The following TMEM117 variants were observed in gnomAD, a reference collection of about 807,000 sequenced individuals.
TMEM117 encodes transmembrane protein 117.
TMEM117 carries 27 observed loss-of-function variants against 52.4 expected under a neutral mutation model. That is an observed-to-expected ratio of 0.51 (90% CI 0.38 to 0.71). The LOEUF is 0.71. Ranked by LOEUF, TMEM117 falls within the 30% of genes least tolerant of loss-of-function variation. The pLI, the probability that TMEM117 is intolerant of heterozygous loss-of-function variation, is 0.00. For missense variants in TMEM117, 556 were observed against 630.5 expected (o/e 0.88, Z 1.26); for synonymous variants, 215 against 206.3 (o/e 1.04, Z -0.36).
At chr12:44,092,620 C>T (rs560292614) in intron 3 of TMEM117, among the ~76,000 whole-genome samples, 18 of 152,252 alleles carry the variant, frequency 1.2e-4, no homozygotes, top group African/African-American at 3.9e-4. Flanking sequence ...TTGAAGCTAA[C>T]TCATGGGAAT....
chr12:44,062,893 T>C (rs942916762), intron 3 of TMEM117, among the ~76,000 whole-genome samples: 2 of 152,230 alleles, frequency 1.3e-5, no homozygotes, highest in Non-Finnish European at 1.5e-5. Flanking sequence ...GTGGCCATAA[T>C]GGTGGGTTAG....
At chr12:44,162,620 T>C (rs79863164) in intron 4 of TMEM117, among the ~76,000 whole-genome samples, 1,750 of 152,262 alleles carry the variant, frequency 0.011, 22 homozygotes, top group South Asian at 0.052. Flanking sequence ...CTTCCAGATG[T>C]ATCTGTTTAC....
At chr12:43,891,367 A>ATTTTTTTGTTTTTTTTTTTTT (rs1944100493) in intron 2 of TMEM117, among the ~76,000 whole-genome samples, 1 of 57,804 alleles carries the variant, frequency 1.7e-5, no homozygotes, top group Non-Finnish European at 3.1e-5. Flanking sequence ...TACCTCTTGA[A>ATTTTTTTGTTTTTTTTTTTTT]TTTTTTTTTT....
At chr12:44,285,405 G>A (rs1477372885) in intron 5 of TMEM117, among the ~76,000 whole-genome samples, 1 of 152,144 alleles carries the variant, frequency 6.6e-6, no homozygotes, top group Non-Finnish European at 1.5e-5. Context: ...GTTCATAACT[G>A]CATCTCCGTT....
chr12:44,381,310 C>G (rs1429423013), intron 7 of TMEM117, among the ~76,000 whole-genome samples: 1 of 152,176 alleles, frequency 6.6e-6, no homozygotes, highest in African/African-American at 2.4e-5. Context: ...CTAAAAGCAA[C>G]TGTATAATGA....
chr12:44,266,050 C>T (rs755538899), intron 5 of TMEM117, among the ~76,000 whole-genome samples: 1 of 152,118 alleles, frequency 6.6e-6, no homozygotes, highest in Non-Finnish European at 1.5e-5. Flanking sequence ...AATAATGCTG[C>T]TATGAACATT....
chr12:44,138,083 A>G (rs1948517968), intron 3 of TMEM117, among the ~76,000 whole-genome samples: 1 of 152,128 alleles, frequency 6.6e-6, no homozygotes, highest in Non-Finnish European at 1.5e-5. Flanking sequence ...ATCAAAGTTG[A>G]TCATTTGTCC....
intron 3 of TMEM117, among the ~76,000 whole-genome samples, chr12:44,048,988 C>G (rs905527264): frequency 2.0e-5 from 3 of 152,094 alleles, no homozygotes; most frequent in Non-Finnish European, 4.4e-5. Context: ...GGAAATATGT[C>G]TGAAATGTTG....
chr12:44,066,488 G>A (rs1947223089), intron 3 of TMEM117, among the ~76,000 whole-genome samples: 1 of 152,134 alleles, frequency 6.6e-6, no homozygotes, highest in Admixed American at 6.5e-5. Flanking sequence ...GAGATATGCA[G>A]ATTCAGTTCT....
chr12:44,361,437 G>A (rs189633213), intron 6 of TMEM117, among the ~76,000 whole-genome samples: 5 of 152,256 alleles, frequency 3.3e-5, no homozygotes, highest in African/African-American at 1.2e-4. Flanking sequence ...ATATTATCCT[G>A]TAAGTATTGT....
At chr12:43,995,439 A>G (rs1019316390) in intron 3 of TMEM117, among the ~76,000 whole-genome samples, 1 of 152,134 alleles carries the variant, frequency 6.6e-6, no homozygotes, top group Admixed American at 6.5e-5. Context: ...AGGGATTGAC[A>G]TTGTTGTTAC....
At chr12:44,073,258 CA>C (rs766906378) in intron 3 of TMEM117, among the ~76,000 whole-genome samples, 1 of 152,080 alleles carries the variant, frequency 6.6e-6, no homozygotes, top group African/African-American at 2.4e-5. Flanking sequence ...ATTTTCAGGC[CA>C]TGTAAAGAAG....
At chr12:43,983,598 T>C (rs555771867) in intron 3 of TMEM117, among the ~76,000 whole-genome samples, 1 of 144,008 alleles carries the variant, frequency 6.9e-6, no homozygotes, top group East Asian at 2.2e-4. Flanking sequence ...GTGTGTATGG[T>C]TGGCATTTAA....
intron 4 of TMEM117, among the ~76,000 whole-genome samples, chr12:44,202,890 G>T (rs141615251): frequency 6.6e-6 from 1 of 152,000 alleles, no homozygotes; most frequent in East Asian, 1.9e-4. Context: ...CAGGGTTCAA[G>T]CAATTCTCCT....
intron 4 of TMEM117, among the ~76,000 whole-genome samples, chr12:44,206,860 G>A (rs1359474406): frequency 4.6e-5 from 7 of 152,042 alleles, no homozygotes; most frequent in South Asian, 2.1e-4. Flanking sequence ...TCCACCTATC[G>A]GATACTATGC....
At chr12:43,866,127 A>G (rs1232108395) in intron 2 of TMEM117, among the ~76,000 whole-genome samples, 4 of 151,886 alleles carry the variant, frequency 2.6e-5, no homozygotes, top group Non-Finnish European at 5.9e-5. Flanking sequence ...AACTGCTGAA[A>G]TAAAAGATAA....
At chr12:44,362,673 T>C (rs1442158499) in intron 6 of TMEM117, among the ~76,000 whole-genome samples, 5 of 152,018 alleles carry the variant, frequency 3.3e-5, no homozygotes, top group African/African-American at 1.2e-4. Flanking sequence ...AAGATCTATT[T>C]TCAATGAAAA....
At chr12:44,314,725 A>C (rs1265382242) in intron 6 of TMEM117, among the ~76,000 whole-genome samples, 1 of 151,534 alleles carries the variant, frequency 6.6e-6, no homozygotes. Context: ...TTTTCTTTTT[A>C]CATTGTGCCT....
chr12:44,258,704 T>G (rs1056872610), intron 5 of TMEM117, among the ~76,000 whole-genome samples: 2 of 152,168 alleles, frequency 1.3e-5, no homozygotes, highest in Admixed American at 1.3e-4. Context: ...TTAAGTCATC[T>G]CAGTGGAGAA....
Sources: gnomAD v4.1 joint callset for allele counts (sites outside exome capture counted in the v4.1 genomes callset) on GRCh38, gnomAD v4.1.1 for gene constraint, MANE v1.5 for transcripts, NCBI Gene and HGNC (gene_info 2026-07-23, HGNC 2026-07-21) for gene names.